ZNF695: variants seen among roughly 807,000 people sequenced by gnomAD.
The protein encoded by ZNF695 is zinc finger protein 695.
Under a neutral mutation model 11.2 loss-of-function variants are expected in ZNF695, and 11 were observed. The ratio of observed to expected loss-of-function variants is 0.98; its 90% CI spans 0.62 to 1.62. The LOEUF (loss-of-function observed/expected upper bound fraction) is 1.62. Ranked by LOEUF, ZNF695 falls within the 40% of genes most tolerant of loss-of-function variation. The probability of loss-of-function intolerance (pLI) is 0.00; values close to 1 mark genes in which losing one functional copy is unlikely to be tolerated. For missense variants in ZNF695, 559 were observed against 590.5 expected, an observed-to-expected ratio of 0.95 and a Z score of 0.55; for synonymous variants, 190 against 201.4, an observed-to-expected ratio of 0.94 and a Z score of 0.48.
intron 3 of ZNF695, among the ~76,000 whole-genome samples, chr1:246,998,823 C>T (rs1279170479): frequency 6.6e-6 from 1 of 152,090 alleles, no homozygotes; most frequent in Non-Finnish European, 1.5e-5. Context: ...AATAAATTGG[C>T]TGGGTGTGGT....
chr1:246,996,010 C>T (rs1364520917), intron 3 of ZNF695: 1 of 453,414 alleles, frequency 2.2e-6, no homozygotes, highest in Non-Finnish European at 4.4e-6. Flanking sequence ...GGGAAAACAA[C>T]CCAAACTTAC....
intron 3 of ZNF695, chr1:246,996,090 A>G (rs1291189117): frequency 2.2e-6 from 1 of 448,246 alleles, no homozygotes; most frequent in Non-Finnish European, 4.5e-6. Context: ...CCGTGCCTGT[A>G]ATCCCAGCAC....
chr1:246,987,208 T>C lies in ZNF695; in HGVS notation c.1307A>G (p.Tyr436Cys), dbSNP rs764546485. 4.3e-6 allele frequency: 7 copies of C among 1,613,884 alleles called. No homozygotes were observed. The highest frequency in any genetic ancestry group is 5.9e-6 in the Non-Finnish European group (7 of 1,180,008). Residue 436 changes from tyrosine (Y) to cysteine (C), a missense_variant, in exon 4 of 4, where the codon TAC (tyrosine) becomes TGC (cysteine). Coordinates refer to ENST00000339986, the MANE Select transcript of ZNF695 (RefSeq NM_020394.5). ...HKRIHTGEKPYKCDECGKAFN... is the reference protein window; with the variant it reads ...HKRIHTGEKPCKCDECGKAFN... ...AGCTTTGCCACATTCATCACATTTG[T>C]AGGGTTTCTCTCCAGTATGAATTCT...
At chr1:246,998,401 T>C (rs1356877258) in intron 3 of ZNF695, among the ~76,000 whole-genome samples, 1 of 152,204 alleles carries the variant, frequency 6.6e-6, no homozygotes, top group East Asian at 1.9e-4. Flanking sequence ...CTGAGAAATT[T>C]AGGCACGTAG....
At chr1:246,947,875 G>GC (rs1667777929) in intron 5 of ZNF695, among the ~76,000 whole-genome samples, 1 of 152,152 alleles carries the variant, frequency 6.6e-6, no homozygotes, top group South Asian at 2.1e-4. Context: ...TAATATACAT[G>GC]CTGCAAAATT....
Position 246,987,594 on chromosome 1 carries a change from C to T in ZNF695, c.921G>A (p.Leu307=), listed in dbSNP as rs1250907434. 1.1e-5 allele frequency: 17 copies of T among 1,598,124 alleles called. No individual in the cohort carries two copies. Among genetic ancestry groups the T allele is most frequent in the Non-Finnish European group, 1.4e-5 (16 of 1,174,362 alleles). ...KCEECGKSFK[L]FPYLTQHKRI... is the part of the protein sequence containing the mutation. ...TCTTGTGTTGAGTAAGGTATGGGAA[C>T]AACTTAAAGGATTTGCCACATTCTT... The change falls in exon 4 of 4, where the codon TTG becomes TTA. Residue 307 remains leucine (L), a synonymous_variant. Coordinates refer to ENST00000339986, the MANE Select transcript of ZNF695 (RefSeq NM_020394.5).
At position 246,987,760 on chromosome 1, in the gene ZNF695, C is replaced by A. The variant is rs775397302; in HGVS notation, c.755G>T (p.Cys252Phe). Reference sequence around the variant, plus strand: ...TTTCTCAACAACAGCAAGACTTGAGCAAGACTTAAAAATGTTATTACATTC... The same window carrying A: ...TTTCTCAACAACAGCAAGACTTGAGAAAGACTTAAAAATGTTATTACATTC... ...CEECNNIFKS[C>F]SSLAVVEKNH... The change falls in exon 4 of 4, where the codon TGC (cysteine) becomes TTC (phenylalanine). Residue 252 changes from cysteine (C) to phenylalanine (F), a missense_variant. By Grantham distance (205) the Cys-to-Phe change is radical. Transcript: ENST00000339986. 1 of 1,593,252 alleles carries A rather than the reference C, an allele frequency of 6.3e-7. No individual in the cohort carries two copies.
chr1:246,986,726 C>T lies in ZNF695; in HGVS notation c.*241G>A. On this transcript the variant is annotated 3_prime_UTR_variant, in exon 4 of 4. Coordinates refer to ENST00000339986, the MANE Select transcript of ZNF695 (RefSeq NM_020394.5). ...ACAGTTTGAGCAACTGGAGGGTTTC[C>T]CTCCAGTATAAATTCTTCTGTGTAC... 5 of 1,169,182 alleles carry T rather than the reference C, an allele frequency of 4.3e-6. No homozygotes were observed. The highest frequency in any genetic ancestry group is 4.2e-5 in the Admixed American group (1 of 23,646). 72.4% of individuals were successfully genotyped at this position (1,169,182 alleles called of 1,614,324 possible).
chr1:246,982,659 T>C (rs1668739658), downstream of ZNF695, among the ~76,000 whole-genome samples: 1 of 152,212 alleles, frequency 6.6e-6, no homozygotes, highest in East Asian at 1.9e-4. Context: ...CCATGGACAG[T>C]GCATCCCTCT....
chr1:246,966,201 A>G (rs1668285811), intron 5 of ZNF695, among the ~76,000 whole-genome samples: 1 of 152,112 alleles, frequency 6.6e-6, no homozygotes, highest in African/African-American at 2.4e-5. Context: ...ATAAAAGTCA[A>G]AGTGAGGTCG....
At position 246,986,206 on chromosome 1, in the gene ZNF695, C is replaced by T. The variant is rs932603129; in HGVS notation, c.*761G>A. ...ACCTGAGCCTTCCAAGTAGCTGGGACAACAGGCATGTGCCACCAAGCCTGG... is the reference window on the plus strand; with the variant it reads ...ACCTGAGCCTTCCAAGTAGCTGGGATAACAGGCATGTGCCACCAAGCCTGG... On this transcript the variant is annotated 3_prime_UTR_variant, in exon 4 of 4. Transcript: ENST00000339986. 6.1e-6 allele frequency: 3 copies of T among 489,156 alleles called. No individual in the cohort carries two copies. The African/African-American group carries it at 6.3e-5, about 10-fold the overall frequency. The allele number at this position is 489,156 out of a possible 1,614,324, so 30.3% of individuals were successfully genotyped here.
At chr1:246,997,195 A>G (rs1399746864) in intron 3 of ZNF695, among the ~76,000 whole-genome samples, 1 of 151,998 alleles carries the variant, frequency 6.6e-6, no homozygotes, top group East Asian at 1.9e-4. Context: ...ACCCATCTAT[A>G]TAAAAAATAA....
At chr1:247,003,771 T>G (rs1669457052) in intron 1 of ZNF695, among the ~76,000 whole-genome samples, 1 of 152,240 alleles carries the variant, frequency 6.6e-6, no homozygotes, top group Admixed American at 6.5e-5. Flanking sequence ...GAGTTCATCT[T>G]ACATACTTTG....
chr1:247,000,533 A>G (rs1353755231), intron 1 of ZNF695, among the ~76,000 whole-genome samples: 1 of 151,976 alleles, frequency 6.6e-6, no homozygotes, highest in Non-Finnish European at 1.5e-5. Context: ...AATAAAAAAT[A>G]TATATATATA....
At chr1:246,994,794 C>A (rs1024202271) in intron 3 of ZNF695, among the ~76,000 whole-genome samples, 13 of 151,752 alleles carry the variant, frequency 8.6e-5, no homozygotes, top group South Asian at 6.2e-4. Flanking sequence ...CCAAGATAGC[C>A]CCACTGCACT....
chr1:246,964,657 G>A (rs1369372584), intron 5 of ZNF695, among the ~76,000 whole-genome samples: 2 of 152,140 alleles, frequency 1.3e-5, no homozygotes, highest in Non-Finnish European at 2.9e-5. Flanking sequence ...GATCACTTGA[G>A]GTCAGGAGTT....
At position 247,007,918 on chromosome 1, in the gene ZNF695, T is replaced by C; in HGVS notation, c.-10A>G. The C allele has an allele frequency of 6.5e-7, 1 of 1,530,732 alleles. No individual in the cohort carries two copies. Among genetic ancestry groups the C allele is most frequent in the Non-Finnish European group, 8.8e-7 (1 of 1,132,010 alleles). The allele number at this position is 1,530,732 out of a possible 1,614,324, so 94.8% of individuals were successfully genotyped here. A position where few individuals can be genotyped will look rare whatever the true frequency, so the allele number is the denominator to read the frequency against. The stretch of plus-strand genomic sequence containing the variant: ...TCCGCACACTCACCATTTCCCAGCT[T>C]TTGGGGGTCCCAGCGTCCTCCCTAT... On this transcript the variant is annotated 5_prime_UTR_variant, in exon 1 of 4. Transcript: ENST00000339986.
intron 5 of ZNF695, among the ~76,000 whole-genome samples, chr1:246,961,211 G>A (rs1415319563): frequency 6.6e-6 from 1 of 151,860 alleles, no homozygotes. Flanking sequence ...AATTATATAC[G>A]TTACTCCACT....
chr1:246,965,673 G>A (rs1455700645), intron 5 of ZNF695, among the ~76,000 whole-genome samples: 2 of 151,886 alleles, frequency 1.3e-5, no homozygotes, highest in Non-Finnish European at 2.9e-5. Flanking sequence ...GGAGGTGGAG[G>A]GTGCAATGAG....
Sources: allele counts gnomAD v4.1 joint callset (sites outside exome capture counted in the v4.1 genomes callset), GRCh38; gene constraint gnomAD v4.1.1; transcripts MANE v1.5; gene names NCBI Gene and HGNC (gene_info 2026-07-23, HGNC 2026-07-21).